THTPA: variants seen among roughly 807,000 people sequenced by gnomAD.
THTPA encodes thiamine triphosphatase, also known as thiamine-triphosphatase.
THTPA carries 16 observed loss-of-function variants against 16.5 expected under a neutral mutation model. The observed-to-expected ratio is 0.97, with a 90% CI of 0.66 to 1.47. The LOEUF is 1.47. Ranked by LOEUF, THTPA falls within the 40% of genes most tolerant of loss-of-function variation. THTPA has a pLI of 0.00. For missense variants in THTPA, 281 were observed against 280.9 expected (o/e 1.00, Z 0.00); for synonymous variants, 110 against 115.5 (o/e 0.95, Z 0.30).
At chr14:23,526,640 A>G in the THTPA span, 1 of 1,535,970 alleles carries the variant, frequency 6.5e-7, no homozygotes, top group Non-Finnish European at 8.7e-7. Context: ...AGGCTCAGGA[A>G]GAGGATCTGG....
chr14:23,531,248 T>G, the THTPA span: 1 of 466,080 alleles, frequency 2.1e-6, no homozygotes, highest in Admixed American at 4.4e-5. Flanking sequence ...TCCTGTTCTA[T>G]GTCATCCACC....
At chr14:23,537,951 C>G in the THTPA span, 1 of 152,730 alleles carries the variant, frequency 6.5e-6, no homozygotes, top group Admixed American at 6.5e-5. Context: ...TCTCTCCCAG[C>G]CGGCCCAAGT....
chr14:23,545,139 A>G, the THTPA span, among the ~76,000 whole-genome samples: 1 of 146,412 alleles, frequency 6.8e-6, no homozygotes, highest in Non-Finnish European at 1.5e-5. Context: ...CCTCCCCCAC[A>G]TTGCCCTGTC....
the THTPA span, chr14:23,530,343 A>G: frequency 4.2e-6 from 3 of 712,308 alleles, no homozygotes; most frequent in Non-Finnish European, 7.5e-6. Flanking sequence ...AAAGCCAACA[A>G]AAAGAAACAC....
the THTPA span, chr14:23,522,236 C>G: frequency 1.4e-6 from 2 of 1,474,818 alleles, no homozygotes; most frequent in East Asian, 4.9e-5. Context: ...TGGCATGGAG[C>G]CCCCAGAGCC....
chr14:23,555,270 A>G (rs1341107545), upstream of THTPA, among the ~76,000 whole-genome samples: 1 of 152,094 alleles, frequency 6.6e-6, no homozygotes, highest in Non-Finnish European at 1.5e-5. Context: ...AAGTGCTGGG[A>G]TTGCAGGTGT....
chr14:23,521,405 T>C, the THTPA span: 1 of 152,614 alleles, frequency 6.6e-6, no homozygotes, highest in Non-Finnish European at 1.5e-5. Context: ...AGCGGTGTGG[T>C]GCTCTAGACA....
chr14:23,526,251 G>C, the THTPA span: 2 of 1,536,354 alleles, frequency 1.3e-6, no homozygotes, highest in Non-Finnish European at 1.7e-6. Flanking sequence ...GCCTCTCCCC[G>C]TGCAGGGGCA....
chr14:23,556,049 C>T (rs1450126158), upstream of THTPA: 2 of 152,394 alleles, frequency 1.3e-5, no homozygotes, highest in African/African-American at 4.8e-5. Flanking sequence ...TGTACCAGCC[C>T]CCGGGAGCCG....
chr14:23,557,250 G>A lies in THTPA; in HGVS notation c.493G>A (p.Glu165Lys), dbSNP rs1337098946. 1.2e-6 allele frequency: 2 copies of A among 1,611,956 alleles called. No homozygotes were observed. Among genetic ancestry groups the A allele is most frequent in the Non-Finnish European group, 8.5e-7 (1 of 1,179,898 alleles). Residue 165 changes from glutamate (E) to lysine (K), a missense_variant, in exon 1 of 2, where the codon GAG becomes AAG. Transcript: ENST00000288014. ...VGEVEALVHE[E>K]AEVPTALEKI... Reference sequence around the variant, plus strand: ...TGAGGTAGAGGCCCTGGTGCATGAGGAGGCTGAAGTACCAACTGCCCTAGA... The same window carrying A: ...TGAGGTAGAGGCCCTGGTGCATGAGAAGGCTGAAGTACCAACTGCCCTAGA...
the THTPA span, among the ~76,000 whole-genome samples, chr14:23,547,311 T>A: frequency 2.6e-5 from 4 of 152,256 alleles, no homozygotes; most frequent in Admixed American, 6.5e-5. Context: ...GTGTTTAGAA[T>A]GGGTCTGGTA....
chr14:23,518,738 T>C, the THTPA span, among the ~76,000 whole-genome samples: 1 of 152,322 alleles, frequency 6.6e-6, no homozygotes, highest in Admixed American at 6.5e-5. This position sits in a 1 kb window ranked among gnomAD's most constrained non-coding sequence, Gnocchi z 4.5. Flanking sequence ...ATAGGTGTTA[T>C]TGTGCCAAAT....
chr14:23,526,560 A>G, the THTPA span: 1 of 1,535,514 alleles, frequency 6.5e-7, no homozygotes, highest in Admixed American at 2.0e-5. Flanking sequence ...GGGACTGGAG[A>G]TGGGGCTGGA....
chr14:23,549,071 TC>T, the THTPA span, among the ~76,000 whole-genome samples: 1 of 152,164 alleles, frequency 6.6e-6, no homozygotes, highest in Non-Finnish European at 1.5e-5. Context: ...CCCTTCCCCC[TC>T]TTTACTACTG....
At position 23,560,258 on chromosome 14, in the gene THTPA, G is replaced by A. The variant is rs770268364; in HGVS notation, c.*1418G>A. The A allele has an allele frequency of 6.2e-7, 1 of 1,613,224 alleles. No individual in the cohort carries two copies. Among genetic ancestry groups the A allele is most frequent in the African/African-American group, 1.3e-5 (1 of 74,890 alleles). ...CTGAACTCTGATCTTTACAAACCTTGGGCACAGCAGCCTGGCAGATGAAAT... is the reference window on the plus strand; with the variant it reads ...CTGAACTCTGATCTTTACAAACCTTAGGCACAGCAGCCTGGCAGATGAAAT... On this transcript the variant is annotated 3_prime_UTR_variant, in exon 2 of 2. Transcript: ENST00000288014.
At chr14:23,532,227 C>T in the THTPA span, 2 of 218,712 alleles carry the variant, frequency 9.1e-6, no homozygotes, top group Non-Finnish European at 1.8e-5. Flanking sequence ...TTTCTCCTAC[C>T]ACTCCTGGAC....
the THTPA span, chr14:23,526,762 C>A: frequency 6.5e-7 from 1 of 1,530,490 alleles, no homozygotes; most frequent in Admixed American, 2.0e-5. Flanking sequence ...GGCAGTTGAC[C>A]TTGGCCTCAG....
chr14:23,559,749 T>C lies in THTPA; in HGVS notation c.*909T>C, dbSNP rs1883122288. ...AATTTCAGGCTGTGAGTGGAGACAG[T>C]TACTGCCACGATTCCACAGGCAAGT... On this transcript the variant is annotated 3_prime_UTR_variant, in exon 2 of 2. Transcript: ENST00000288014. 6.2e-7 allele frequency: 1 copy of C among 1,613,962 alleles called. No individual in the cohort carries two copies.
the THTPA span, among the ~76,000 whole-genome samples, chr14:23,518,055 A>C: frequency 6.6e-6 from 1 of 151,954 alleles, no homozygotes; most frequent in Admixed American, 6.6e-5. This position sits in a 1 kb window ranked among gnomAD's most constrained non-coding sequence, Gnocchi z 4.5. Flanking sequence ...GGGTCTTGGG[A>C]TATGTCCCTT....
Sources: gnomAD v4.1 joint callset for allele counts (sites outside exome capture counted in the v4.1 genomes callset) on GRCh38, gnomAD v4.1.1 for gene constraint, Gnocchi (gnomAD v3.1) non-coding constraint, MANE v1.5 for transcripts, NCBI Gene and HGNC (gene_info 2026-07-23, HGNC 2026-07-21) for gene names.